The following NCAPH2 variants were observed in gnomAD, a reference collection of about 807,000 sequenced individuals.
The protein encoded by NCAPH2 is condensin-2 complex subunit H2.
Under a neutral mutation model 88.6 loss-of-function variants are expected in NCAPH2, and 56 were observed. The ratio of observed to expected loss-of-function variants is 0.63; its 90% CI spans 0.51 to 0.79. The LOEUF is 0.79. NCAPH2 is among the 30% of genes least tolerant of loss of function. The pLI, the probability that NCAPH2 is intolerant of heterozygous loss-of-function variation, is 0.00. For synonymous variants in NCAPH2, 378 were observed against 313.6 expected, an observed-to-expected ratio of 1.21 and a Z score of -2.17; for missense variants, 794 against 792.0, an observed-to-expected ratio of 1.00 and a Z score of -0.03.
In NCAPH2 at chr22:50,524,013, G is replaced by GCA; in HGVS notation, c.*639_*640dup. 1 of 1,613,418 alleles carries GCA rather than the reference G, an allele frequency of 6.2e-7. No individual in the cohort carries two copies. The highest frequency in any genetic ancestry group is 8.5e-7 in the Non-Finnish European group (1 of 1,180,028). On this transcript the variant is annotated 3_prime_UTR_variant, in exon 20 of 20. Coordinates refer to ENST00000420993, the MANE Select transcript of NCAPH2 (RefSeq NM_152299.4). ...CCAGCTCGTCTGGGCAGATGTCAGG[G>GCA]CAGTGAGTGAAGCCAAAGTACATCA...
chr22:50,520,117 G>A (rs1055625404), intron 9 of NCAPH2, among the ~76,000 whole-genome samples: 6 of 152,240 alleles, frequency 3.9e-5, no homozygotes, highest in South Asian at 2.1e-4. Flanking sequence ...TGATCTGCCC[G>A]TCTTGGCCTC....
chr22:50,521,901 G>A (rs545967501), intron 12 of NCAPH2, 53 bp downstream of exon 12: 3 of 1,613,282 alleles, frequency 1.9e-6, no homozygotes, highest in South Asian at 1.1e-5. Context: ...GGCTGGGCCA[G>A]GGCCAGTGGA....
In NCAPH2 at chr22:50,521,968, G is replaced by A. The variant is rs765420053; in HGVS notation, c.1109-18G>A. ...GGCAGCTCTTGGCCTGGCTGGTGCT[G>A]AGCATGTTCTTTCACAGATGCAGAC... On this transcript the variant is annotated intron_variant, in intron 12 of 19. Coordinates refer to ENST00000420993, the MANE Select transcript of NCAPH2 (RefSeq NM_152299.4). The A allele has an allele frequency of 1.2e-6, 2 of 1,613,878 alleles. No homozygotes were observed. The highest frequency in any genetic ancestry group is 1.7e-5 in the Admixed American group (1 of 60,024).
In NCAPH2 at chr22:50,508,531, C is replaced by T. The variant is rs1028127642; in HGVS notation, c.108+86C>T. 54 of 880,224 alleles carry T rather than the reference C, an allele frequency of 6.1e-5. 1 individual carries two copies. Among genetic ancestry groups the T allele is most frequent in the Middle Eastern group, 7.6e-4 (2 of 2,648 alleles). The allele number at this position is 880,224 out of a possible 1,614,324, so 54.5% of individuals were successfully genotyped here. ...TCCGGGCCCGGGGCTGTGGGCGCCCCACCGTCTCCACGCCTATGGCTATCT... is the reference window on the plus strand; with the variant it reads ...TCCGGGCCCGGGGCTGTGGGCGCCCTACCGTCTCCACGCCTATGGCTATCT... On this transcript the variant is annotated intron_variant, in intron 1 of 19. Transcript: ENST00000420993.
Position 50,518,055 on chromosome 22 carries a change from A to G in NCAPH2, c.500+3A>G. On this transcript the variant is annotated splice_donor_region_variant and intron_variant, in intron 6 of 19. Transcript: ENST00000420993. Reference sequence around the variant, plus strand: ...AAGAACAACAATCCCCTGTACAGGTAGGGATCTGAGCCCAGCGACGGGGAG... The same window carrying G: ...AAGAACAACAATCCCCTGTACAGGTGGGGATCTGAGCCCAGCGACGGGGAG... 1 of 1,613,960 alleles carries G rather than the reference A, an allele frequency of 6.2e-7. No individual in the cohort carries two copies. The highest frequency in any genetic ancestry group is 8.5e-7 in the Non-Finnish European group (1 of 1,179,922).
intron 5 of NCAPH2, 55 bp from the exon 6 acceptor site, chr22:50,517,918 G>A: frequency 1.2e-6 from 2 of 1,603,420 alleles, no homozygotes; most frequent in South Asian, 2.2e-5. Context: ...TGTGGGTCCT[G>A]TTCTCCACTG....
chr22:50,524,140 G>T lies in NCAPH2; in HGVS notation c.*765G>T, dbSNP rs908963512. On this transcript the variant is annotated 3_prime_UTR_variant, in exon 20 of 20. Coordinates refer to ENST00000420993, the MANE Select transcript of NCAPH2 (RefSeq NM_152299.4). Reference sequence around the variant, plus strand: ...CACAGCTGCCTGGCGCAGGGCTTCTGTTCGCTTTTGCTGCTGCAGCCTCTC... The same window carrying T: ...CACAGCTGCCTGGCGCAGGGCTTCTTTTCGCTTTTGCTGCTGCAGCCTCTC... The T allele has an allele frequency of 6.2e-7, 1 of 1,612,082 alleles. No homozygotes were observed. The highest frequency in any genetic ancestry group is 8.5e-7 in the Non-Finnish European group (1 of 1,180,018).
At position 50,522,097 on chromosome 22, in the gene NCAPH2, C is replaced by T. The variant is rs535080032; in HGVS notation, c.1162+58C>T. On this transcript the variant is annotated intron_variant, in intron 13 of 19. Coordinates refer to ENST00000420993, the MANE Select transcript of NCAPH2 (RefSeq NM_152299.4). ...ACTCTCCTTCCCCTACCTCTTCCCCCACCTGGTGTCACCCAAAGCCTTGGG... is the reference window on the plus strand; with the variant it reads ...ACTCTCCTTCCCCTACCTCTTCCCCTACCTGGTGTCACCCAAAGCCTTGGG... The T allele has an allele frequency of 2.5e-5, 40 of 1,612,860 alleles. No individual in the cohort carries two copies. In the South Asian group the frequency reaches 4.1e-4, roughly 16 times the overall value.
In NCAPH2 at chr22:50,519,271, C is replaced by G. The variant is rs746544378; in HGVS notation, c.812C>G (p.Ser271Trp). The G allele has an allele frequency of 6.2e-7, 1 of 1,607,092 alleles. No homozygotes were observed. Among genetic ancestry groups the G allele is most frequent in the Non-Finnish European group, 8.5e-7 (1 of 1,177,496 alleles). Residue 271 changes from serine to tryptophan, a missense_variant, in exon 9 of 20, where the codon TCG (serine) becomes TGG (tryptophan). Transcript: ENST00000420993. The stretch of plus-strand genomic sequence containing the variant: ...GAGGCAGTAGAGCTTCCTGAGGCCT[C>G]GGCCCCCAAGGCCGCTCTGGAGCCC... ...AEEAVELPEA[S>W]APKAALEPKE...
intron 1 of NCAPH2, 69 bp downstream of exon 1, chr22:50,508,514 CG>C: frequency 1.1e-6 from 1 of 950,970 alleles, no homozygotes. Context: ...GCTCCGGGCC[CG>C]GGGCTGTGGG....
At chr22:50,522,982 T>G (rs1401650466) in intron 18 of NCAPH2, 35 bp from the exon 19 acceptor site, 3 of 1,608,048 alleles carry the variant, frequency 1.9e-6, no homozygotes, top group East Asian at 4.5e-5. Context: ...GGGCCTTGCC[T>G]CTCTCCGCAG....
chr22:50,519,516 C>T (rs1025576194), intron 9 of NCAPH2, 196 bp downstream of exon 9: 58 of 1,425,150 alleles, frequency 4.1e-5, no homozygotes, highest in Non-Finnish European at 5.2e-5. Flanking sequence ...TTCCTCCCCT[C>T]TCTGAGCAGA....
chr22:50,519,438 C>T (rs1051531417), intron 9 of NCAPH2, 118 bp downstream of exon 9: 20 of 1,473,730 alleles, frequency 1.4e-5, no homozygotes, highest in Admixed American at 8.3e-5. Context: ...GACCACTGGT[C>T]TGGGGCAGAA....
chr22:50,522,379 C>T lies in NCAPH2; in HGVS notation c.1270C>T (p.His424Tyr), dbSNP rs1157762301. The T allele has an allele frequency of 6.2e-7, 1 of 1,608,622 alleles. No homozygotes were observed. The change falls in exon 15 of 20, where the codon CAC (histidine) becomes TAC (tyrosine). Residue 424 changes from histidine (H) to tyrosine (Y), a missense_variant. His to Tyr is a moderately conservative substitution (Grantham distance 83). Around this residue, in one of 2 missense-constraint regions of NCAPH2, gnomAD observed 735 missense variants for 696.3 expected, o/e 1.06. Coordinates refer to ENST00000420993, the MANE Select transcript of NCAPH2 (RefSeq NM_152299.4). Reference sequence around the variant, plus strand: ...GTGGCTGCGGCCTGCAGAGGAGGACCACCTGGAGGATTCCCTGGAAGACCT... The same window carrying T: ...GTGGCTGCGGCCTGCAGAGGAGGACTACCTGGAGGATTCCCTGGAAGACCT... ...EQWLRPAEED[H>Y]LEDSLEDLGA...
chr22:50,517,556 C>T (rs754323391), intron 3 of NCAPH2, 21 bp from the exon 4 acceptor site: 41 of 1,613,922 alleles, frequency 2.5e-5, no homozygotes, highest in Admixed American at 2.2e-4. Flanking sequence ...GGGATGCCCA[C>T]GGGATGTGCT....
At position 50,524,584 on chromosome 22, in the gene NCAPH2, C is replaced by T. The variant is rs912933060; in HGVS notation, c.*1209C>T. ...CTCACCTGAGCTCAGAACTCCACCT[C>T]CACCAAACATCCACACCTGGGCAAC... is the stretch of plus-strand genomic sequence containing the variant. On this transcript the variant is annotated 3_prime_UTR_variant, in exon 20 of 20. Coordinates refer to ENST00000420993, the MANE Select transcript of NCAPH2 (RefSeq NM_152299.4). 20 of 738,148 alleles carry T rather than the reference C, an allele frequency of 2.7e-5. No individual in the cohort carries two copies. Among genetic ancestry groups the T allele is most frequent in the Middle Eastern group, 2.3e-4 (1 of 4,424 alleles). The allele number at this position is 738,148 out of a possible 1,614,324, so 45.7% of individuals were successfully genotyped here. A position where few individuals can be genotyped will look rare whatever the true frequency, so the allele number is the denominator to read the frequency against.
rs767115317 is a variant in NCAPH2, at chr22:50,523,312, C to T, written c.1755C>T (p.Leu585=). ...MAVDTMSLRL[L]THQRAHKRFQ... ...TGGACACCATGTCCCTGAGACTGCT[C>T]ACGCACCAGCGAGCGCACAAGCGCT... Residue 585 remains leucine (L), a synonymous_variant, in exon 20 of 20, where the codon CTC becomes CTT. Transcript: ENST00000420993. The T allele has an allele frequency of 3.1e-6, 5 of 1,591,376 alleles. No homozygotes were observed. In the South Asian group the frequency reaches 3.4e-5, roughly 11 times the overall value.
At position 50,521,573 on chromosome 22, in the gene NCAPH2, C is replaced by T. The variant is rs138253876; in HGVS notation, c.964C>T (p.Pro322Ser). 6.6e-4 allele frequency: 1,060 copies of T among 1,613,652 alleles called. 1 individual carries two copies. Among genetic ancestry groups the T allele is most frequent in the Non-Finnish European group, 8.5e-4 (1,000 of 1,180,006 alleles). ...ETPDPWQSLD[P>S]FDSLESKPFK... ...TCCAGACCCCTGGCAGAGCCTGGACCCCTTTGACTCCTTGGAGTCTAAGCC... is the reference window on the plus strand; with the variant it reads ...TCCAGACCCCTGGCAGAGCCTGGACTCCTTTGACTCCTTGGAGTCTAAGCC... Residue 322 changes from proline (P) to serine (S), a missense_variant, in exon 11 of 20, where the codon CCC (proline) becomes TCC (serine). This residue lies in a region of NCAPH2 where 735 missense variants were observed against 696.3 expected (regional missense o/e 1.06). Coordinates refer to ENST00000420993, the MANE Select transcript of NCAPH2 (RefSeq NM_152299.4).
Position 50,508,449 on chromosome 22 carries a change from A to G in NCAPH2, c.108+4A>G. On this transcript the variant is annotated splice_donor_region_variant and intron_variant, in intron 1 of 19. Coordinates refer to ENST00000420993, the MANE Select transcript of NCAPH2 (RefSeq NM_152299.4). ...GCTGGGCGAGTATCTGGAGGAGGTA[A>G]GGGCGGCGGGGGAGTGACGCGGGGT... The G allele has an allele frequency of 9.4e-6, 5 of 530,570 alleles. No homozygotes were observed. The highest frequency in any genetic ancestry group is 4.3e-5 in the South Asian group (1 of 23,330). The allele number at this position is 530,570 out of a possible 1,614,324, so 32.9% of individuals were successfully genotyped here. A position where few individuals can be genotyped will look rare whatever the true frequency, so the allele number is the denominator to read the frequency against.
Sources: gnomAD v4.1 joint callset for allele counts (sites outside exome capture counted in the v4.1 genomes callset) on GRCh38, gnomAD v4.1.1 for gene constraint, gnomAD v4.1.1 regional missense constraint, MANE v1.5 for transcripts, NCBI Gene and HGNC (gene_info 2026-07-23, HGNC 2026-07-21) for gene names.